OR6C2: variants seen among roughly 807,000 people sequenced by gnomAD.
OR6C2 encodes olfactory receptor 6C2.
For synonymous variants in OR6C2, 146 were observed against 134.2 expected, an observed-to-expected ratio of 1.09 and a Z score of -0.61; for missense variants, 435 against 365.8, an observed-to-expected ratio of 1.19 and a Z score of -1.54.
Position 55,452,411 on chromosome 12 carries a change from C to G in OR6C2, c.198C>G (p.Phe66Leu), listed in dbSNP as rs776577683. The change falls in exon 2 of 2, where the codon TTC (phenylalanine) becomes TTG (leucine). Residue 66 changes from phenylalanine to leucine, a missense_variant. Physicochemically the swap from Phe to Leu is conservative, Grantham distance 22 (BLOSUM62 0). Transcript: ENST00000641202. Reference protein sequence around the residue: ...PMYFFLRNFSFLEVSFTTVCI... With the variant: ...PMYFFLRNFSLLEVSFTTVCI... ...ACTTCTTTCTCAGAAATTTTTCCTT[C>G]TTAGAAGTCTCATTTACTACAGTCT... 1 of 1,613,484 alleles carries G rather than the reference C, an allele frequency of 6.2e-7. No homozygotes were observed. The highest frequency in any genetic ancestry group is 8.5e-7 in the Non-Finnish European group (1 of 1,179,646).
chr12:55,452,018 CA>C lies in OR6C2; in HGVS notation c.-195del. ...AAACTTGATTTCTTAAGGAGATATC[CA>C]CTGCTCATATATGTGAAATTTAGAA... is the stretch of plus-strand genomic sequence containing the variant. On this transcript the variant is annotated 5_prime_UTR_variant, in exon 2 of 2. Coordinates refer to ENST00000641202, the MANE Select transcript of OR6C2 (RefSeq NM_054105.2). The C allele has an allele frequency of 2.2e-6, 1 of 446,108 alleles. No individual in the cohort carries two copies. The highest frequency in any genetic ancestry group is 3.2e-5 in the East Asian group (1 of 30,992). 27.6% of individuals were successfully genotyped at this position (446,108 alleles called of 1,614,324 possible). A position where few individuals can be genotyped will look rare whatever the true frequency, so the allele number is the denominator to read the frequency against.
In OR6C2 at chr12:55,452,167, A is replaced by C; in HGVS notation, c.-47A>C. On this transcript the variant is annotated 5_prime_UTR_variant, in exon 2 of 2. Coordinates refer to ENST00000641202, the MANE Select transcript of OR6C2 (RefSeq NM_054105.2). ...AGAATTCAAATATCTACCCCCTCATAAACCGTGATTTTTAAAGGAGGATTG... is the reference window on the plus strand; with the variant it reads ...AGAATTCAAATATCTACCCCCTCATCAACCGTGATTTTTAAAGGAGGATTG... The C allele has an allele frequency of 7.8e-7, 1 of 1,285,576 alleles. No individual in the cohort carries two copies. The allele number at this position is 1,285,576 out of a possible 1,614,324, so 79.6% of individuals were successfully genotyped here.
chr12:55,447,533 C>A (rs545599250), intron 1 of OR6C2, among the ~76,000 whole-genome samples: 1 of 152,108 alleles, frequency 6.6e-6, no homozygotes, highest in Middle Eastern at 3.4e-3. Context: ...TCTAACTCTC[C>A]GCTTCTGTGA....
intron 1 of OR6C2, among the ~76,000 whole-genome samples, chr12:55,444,514 T>A (rs1304600425): frequency 6.6e-6 from 1 of 152,194 alleles, no homozygotes; most frequent in Non-Finnish European, 1.5e-5. Flanking sequence ...AATATTCTCT[T>A]ATGGTTAAAT....
Position 55,452,653 on chromosome 12 carries a change from G to T in OR6C2, c.440G>T (p.Trp147Leu). 1 of 1,613,754 alleles carries T rather than the reference G, an allele frequency of 6.2e-7. No homozygotes were observed. The highest frequency in any genetic ancestry group is 8.5e-7 in the Non-Finnish European group (1 of 1,179,822). ...RVCTLLVLCC[W>L]VAGLMIIVPP... ...TGTACCTTATTAGTTCTCTGCTGTT[G>T]GGTGGCTGGCTTGATGATCATTGTT... Residue 147 changes from tryptophan to leucine, a missense_variant, in exon 2 of 2, where the codon TGG becomes TTG. Coordinates refer to ENST00000641202, the MANE Select transcript of OR6C2 (RefSeq NM_054105.2).
intron 1 of OR6C2, among the ~76,000 whole-genome samples, chr12:55,447,467 A>G (rs555712088): frequency 1.9e-3 from 290 of 152,238 alleles, no homozygotes; most frequent in Non-Finnish European, 3.0e-3. Context: ...AAACTTTATA[A>G]CTATTGAACA....
chr12:55,444,266 T>C (rs1037268830), intron 1 of OR6C2, 107 bp downstream of exon 1: 6 of 152,162 alleles, frequency 3.9e-5, no homozygotes, highest in African/African-American at 7.2e-5. Context: ...ATTTTTAATA[T>C]GGAAAACTGT....
chr12:55,448,016 T>C (rs1413378531), intron 1 of OR6C2, among the ~76,000 whole-genome samples: 1 of 152,198 alleles, frequency 6.6e-6, no homozygotes. Flanking sequence ...TGTTTTGTTT[T>C]TCTTGTTTTT....
intron 1 of OR6C2, among the ~76,000 whole-genome samples, chr12:55,448,543 C>A (rs1871403612): frequency 7.1e-6 from 1 of 140,762 alleles, no homozygotes; most frequent in African/African-American, 2.6e-5. Flanking sequence ...AATAGAATCA[C>A]CAAAAAAGAC....
In OR6C2 at chr12:55,451,241, G is replaced by A. The variant is rs145011826; in HGVS notation, c.-887-86G>A. ...TTATTGACTATAGTGTCCCTATTGT[G>A]CTATCAAATAGTAATTATCCTTTCT... is the stretch of plus-strand genomic sequence containing the variant. On this transcript the variant is annotated intron_variant, in intron 1 of 1. Transcript: ENST00000641202. 4.6e-5 allele frequency: 7 copies of A among 151,878 alleles called. No homozygotes were observed. In the East Asian group the frequency reaches 1.4e-3, roughly 29 times the overall value. 9.4% of individuals were successfully genotyped at this position (151,878 alleles called of 1,614,324 possible).
Position 55,452,643 on chromosome 12 carries a change from C to T in OR6C2, c.430C>T (p.Leu144Phe). 6.2e-7 allele frequency: 1 copy of T among 1,613,744 alleles called. No homozygotes were observed. The highest frequency in any genetic ancestry group is 8.5e-7 in the Non-Finnish European group (1 of 1,179,830). ...CAACAGGGTGTGTACCTTATTAGTT[C>T]TCTGCTGTTGGGTGGCTGGCTTGAT... ...MNNRVCTLLV[L>F]CCWVAGLMII... Residue 144 changes from leucine (L) to phenylalanine (F), a missense_variant, in exon 2 of 2, where the codon CTC (leucine) becomes TTC (phenylalanine). Physicochemically the swap from Leu to Phe is conservative, Grantham distance 22. Transcript: ENST00000641202.
intron 1 of OR6C2, among the ~76,000 whole-genome samples, chr12:55,448,658 A>AG (rs545644935): frequency 1.4e-5 from 2 of 142,718 alleles, no homozygotes; most frequent in South Asian, 4.4e-4. Context: ...AAAAAAAAAA[A>AG]AGAAAGAAAA....
At chr12:55,450,060 A>C (rs10783745) in intron 1 of OR6C2, among the ~76,000 whole-genome samples, 110,255 of 151,770 alleles carry the variant, frequency 0.73, 40,254 homozygotes, top group Middle Eastern at 0.83. Flanking sequence ...TTATTTCTTC[A>C]CTAAACTTAC....
At position 55,452,568 on chromosome 12, in the gene OR6C2, G is replaced by C; in HGVS notation, c.355G>C (p.Asp119His). 4.3e-6 allele frequency: 7 copies of C among 1,613,830 alleles called. No individual in the cohort carries two copies. Among genetic ancestry groups the C allele is most frequent in the Non-Finnish European group, 5.9e-6 (7 of 1,179,864 alleles). The stretch of plus-strand genomic sequence containing the variant: ...TTTTCTCTTGGCAGCCATGTCCTAT[G>C]ACCGCTATGTGGCCATCTGTAAACC... ...EFFLLAAMSY[D>H]RYVAICKPLH... The change falls in exon 2 of 2, where the codon GAC becomes CAC. Residue 119 changes from aspartate to histidine, a missense_variant. By Grantham distance (81) the Asp-to-His change is moderately conservative. Transcript: ENST00000641202.
chr12:55,445,144 A>G (rs906988158), intron 1 of OR6C2, among the ~76,000 whole-genome samples: 1 of 152,232 alleles, frequency 6.6e-6, no homozygotes, highest in Non-Finnish European at 1.5e-5. Flanking sequence ...AGTACTAAGA[A>G]GTAAGCATAT....
intron 1 of OR6C2, among the ~76,000 whole-genome samples, chr12:55,447,913 T>A (rs1871393013): frequency 6.6e-6 from 1 of 152,108 alleles, no homozygotes; most frequent in Non-Finnish European, 1.5e-5. Context: ...GAAAGTTTCA[T>A]ACTATTTTCT....
rs1199929286 is a variant in OR6C2, at chr12:55,452,513, CT to C, written c.303del (p.Phe101LeufsTer34). The part of the protein sequence containing the change: ...TYNACASQIF[F>X]VILFGATEFF... Reference sequence around the variant, plus strand: ...ACAATGCTTGTGCCAGTCAAATATTCTTTGTTATTCTCTTTGGAGCAACAGA... The same window carrying C: ...ACAATGCTTGTGCCAGTCAAATATTCTTGTTATTCTCTTTGGAGCAACAGA... On this transcript the variant is annotated frameshift_variant, in exon 2 of 2. Transcript: ENST00000641202. LOFTEE classifies it low-confidence loss of function (END_TRUNC). 1 of 1,613,908 alleles carries C rather than the reference CT, an allele frequency of 6.2e-7. No individual in the cohort carries two copies. The highest frequency in any genetic ancestry group is 8.5e-7 in the Non-Finnish European group (1 of 1,179,848).
Position 55,452,658 on chromosome 12 carries a change from G to C in OR6C2, c.445G>C (p.Ala149Pro), listed in dbSNP as rs573957884. The C allele has an allele frequency of 1.9e-6, 3 of 1,613,788 alleles. No homozygotes were observed. Among genetic ancestry groups the C allele is most frequent in the Non-Finnish European group, 1.7e-6 (2 of 1,179,830 alleles). The stretch of plus-strand genomic sequence containing the variant: ...CTTATTAGTTCTCTGCTGTTGGGTG[G>C]CTGGCTTGATGATCATTGTTCCACC... Reference protein sequence around the residue: ...CTLLVLCCWVAGLMIIVPPLS... With the variant: ...CTLLVLCCWVPGLMIIVPPLS... Residue 149 changes from alanine (A) to proline (P), a missense_variant, in exon 2 of 2, where the codon GCT (alanine) becomes CCT (proline). Physicochemically the swap from Ala to Pro is conservative, Grantham distance 27. Coordinates refer to ENST00000641202, the MANE Select transcript of OR6C2 (RefSeq NM_054105.2).
At chr12:55,448,410 G>GA (rs1405620158) in intron 1 of OR6C2, among the ~76,000 whole-genome samples, 3 of 149,862 alleles carry the variant, frequency 2.0e-5, no homozygotes, top group Non-Finnish European at 4.5e-5. Context: ...TTTAATTATA[G>GA]AAAAAAATTT....
Sources: allele counts gnomAD v4.1 joint callset (sites outside exome capture counted in the v4.1 genomes callset), GRCh38; gene constraint gnomAD v4.1.1; transcripts MANE v1.5; gene names NCBI Gene and HGNC (gene_info 2026-07-23, HGNC 2026-07-21).